The following SOX5 variants were observed in gnomAD, a reference collection of about 807,000 sequenced individuals.
SOX5 encodes transcription factor SOX-5.
SOX5 carries 9 observed loss-of-function variants against 92.0 expected under a neutral mutation model. The observed-to-expected ratio is 0.10, with a 90% CI of 0.06 to 0.17. SOX5 has a LOEUF of 0.17. Ranked by LOEUF, SOX5 falls within the 10% of genes least tolerant of loss-of-function variation. The pLI is 1.00. For missense variants in SOX5, 642 were observed against 944.5 expected (o/e 0.68, Z 4.20); for synonymous variants, 344 against 336.3 (o/e 1.02, Z -0.25).
chr12:23,879,339 A>G (rs2096962185), intron 2 of SOX5, among the ~76,000 whole-genome samples: 1 of 149,756 alleles, frequency 6.7e-6, no homozygotes, highest in Admixed American at 6.7e-5. Flanking sequence ...TGAAAAAAAA[A>G]CTAGAAAAGA....
At chr12:23,654,468 C>T (rs538098975) in intron 7 of SOX5, among the ~76,000 whole-genome samples, 3 of 152,042 alleles carry the variant, frequency 2.0e-5, no homozygotes, top group Non-Finnish European at 4.4e-5. Context: ...TAAGATGTTA[C>T]ATATAAACAT....
At chr12:24,453,789 A>G (rs1223549208) in intron 1 of SOX5, among the ~76,000 whole-genome samples, 1 of 152,108 alleles carries the variant, frequency 6.6e-6, no homozygotes, top group East Asian at 1.9e-4. Flanking sequence ...ACAAGAGCCA[A>G]TTTTCTGTGA....
At chr12:24,420,745 A>G (rs1485500369) in intron 1 of SOX5, among the ~76,000 whole-genome samples, 1 of 152,184 alleles carries the variant, frequency 6.6e-6, no homozygotes, top group Admixed American at 6.5e-5. Context: ...AACCCCTAAT[A>G]AATTAATGAA....
intron 10 of SOX5, among the ~76,000 whole-genome samples, chr12:23,568,981 G>A (rs1241526627): frequency 6.6e-6 from 1 of 151,908 alleles, no homozygotes; most frequent in Non-Finnish European, 1.5e-5. Context: ...TTGACCTTAG[G>A]AGTTCAAAAT....
Position 24,436,410 on chromosome 12 carries a change from TA to T in SOX5, c.-250-67772del, listed in dbSNP as rs373585079. ...AAGGAGAAAGTTTGAGTGGTCCGGA[TA>T]AAAAAAATCAAACCAGCCACAACGT... On this transcript the variant is annotated intron_variant, in intron 1 of 4. Transcript: ENST00000446891. Among the ~76,000 whole-genome samples the T allele has an allele frequency of 4.6e-3, 705 of 152,000 alleles. 11 individuals carry two copies. In the East Asian group the frequency reaches 0.051, roughly 11 times the overall value.
intron 4 of SOX5, among the ~76,000 whole-genome samples, chr12:24,182,736 C>T (rs1482509733): frequency 2.0e-5 from 3 of 152,126 alleles, no homozygotes. Flanking sequence ...TTCTTTGAGA[C>T]AGAATCTCGC....
At position 23,612,687 on chromosome 12, in the gene SOX5, T is replaced by C. The variant is rs942930779; in HGVS notation, c.1018-8154A>G. On this transcript the variant is annotated intron_variant, in intron 8 of 14. Transcript: ENST00000451604. ...CATCTATTATGATTTAAAAAAATTG[T>C]TGAATATGACCTGTTAAAGTTTAAA... is the stretch of plus-strand genomic sequence containing the variant. Among the ~76,000 whole-genome samples, 3 of 152,292 alleles carry C rather than the reference T, an allele frequency of 2.0e-5. No individual in the cohort carries two copies. In the East Asian group the frequency reaches 5.8e-4, roughly 29 times the overall value.
chr12:24,412,788 T>C (rs1352505040), intron 1 of SOX5, among the ~76,000 whole-genome samples: 1 of 150,504 alleles, frequency 6.6e-6, no homozygotes, highest in Non-Finnish European at 1.5e-5. Context: ...TTCTTTTTTT[T>C]TTTTTTTTTG....
At chr12:23,744,860 A>G (rs571462882) in intron 4 of SOX5, among the ~76,000 whole-genome samples, 1 of 152,296 alleles carries the variant, frequency 6.6e-6, no homozygotes, top group South Asian at 2.1e-4. Flanking sequence ...CTAGAAGTCT[A>G]AGATTAAGTT....
chr12:23,636,600 G>A (rs2138596483), intron 8 of SOX5, among the ~76,000 whole-genome samples: 1 of 152,180 alleles, frequency 6.6e-6, no homozygotes, highest in African/African-American at 2.4e-5. Context: ...ATTTAATCTA[G>A]GTGTTCAAAA....
At chr12:23,836,340 T>C (rs2096413913) in intron 3 of SOX5, among the ~76,000 whole-genome samples, 1 of 151,880 alleles carries the variant, frequency 6.6e-6, no homozygotes. Context: ...TGACACTGGA[T>C]AAATAAGAAC....
At chr12:24,003,990 C>G (rs1040380268) in intron 4 of SOX5, among the ~76,000 whole-genome samples, 1 of 151,968 alleles carries the variant, frequency 6.6e-6, no homozygotes, top group Non-Finnish European at 1.5e-5. Context: ...TACCATCAAC[C>G]CTTACATTTA....
chr12:24,473,184 TCTACA>T (rs1944985009), intron 1 of SOX5, among the ~76,000 whole-genome samples: 2 of 152,160 alleles, frequency 1.3e-5, no homozygotes, highest in South Asian at 4.1e-4. Context: ...TAAATTTTTA[TCTACA>T]CTCATAAGCT....
chr12:24,136,388 G>C (rs1950109539), intron 4 of SOX5, among the ~76,000 whole-genome samples: 1 of 152,230 alleles, frequency 6.6e-6, no homozygotes, highest in Non-Finnish European at 1.5e-5. Context: ...GAGCAAGCAA[G>C]CATTGTTTTC....
intron 1 of SOX5, among the ~76,000 whole-genome samples, chr12:23,934,822 T>C (rs1306480614): frequency 2.0e-5 from 3 of 151,292 alleles, no homozygotes; most frequent in African/African-American, 4.8e-5. Flanking sequence ...TAATCTCCAA[T>C]TCACAGATTA....
chr12:24,503,789 A>C (rs1722410409), intron 1 of SOX5, among the ~76,000 whole-genome samples: 1 of 152,166 alleles, frequency 6.6e-6, no homozygotes, highest in African/African-American at 2.4e-5. Context: ...ACACATGGAC[A>C]CAGGGAGGGC....
chr12:24,020,407 T>C (rs987969762), intron 4 of SOX5, among the ~76,000 whole-genome samples: 1 of 152,124 alleles, frequency 6.6e-6, no homozygotes, highest in African/African-American at 2.4e-5. Context: ...GAATTAACAA[T>C]GTTCAGGCAG....
At position 23,533,436 on chromosome 12, in the gene SOX5, T is replaced by C. The variant is rs552053278; in HGVS notation, c.*783A>G. On this transcript the variant is annotated 3_prime_UTR_variant, in exon 15 of 15. Transcript: ENST00000451604. ...GTCTAAGATTTAACACTGTCCTAACTTAAGAAGGAAAAGGAAAAAGTAAAG... is the reference window on the plus strand; with the variant it reads ...GTCTAAGATTTAACACTGTCCTAACCTAAGAAGGAAAAGGAAAAAGTAAAG... 34 of 200,380 alleles carry C rather than the reference T, an allele frequency of 1.7e-4. 1 individual carries two copies. The East Asian group carries it at 3.8e-3, about 23-fold the overall frequency. 12.4% of individuals were successfully genotyped at this position (200,380 alleles called of 1,614,324 possible).
intron 10 of SOX5, among the ~76,000 whole-genome samples, chr12:23,563,864 T>G (rs975397344): frequency 1.3e-5 from 2 of 152,206 alleles, no homozygotes; most frequent in Non-Finnish European, 2.9e-5. Flanking sequence ...TAAGAGGGTC[T>G]GTATAGCACT....
Sources: gnomAD v4.1 joint callset for allele counts (sites outside exome capture counted in the v4.1 genomes callset) on GRCh38, gnomAD v4.1.1 for gene constraint, MANE v1.5 for transcripts, NCBI Gene and HGNC (gene_info 2026-07-23, HGNC 2026-07-21) for gene names.